ZFPM1: variants seen among roughly 807,000 people sequenced by gnomAD.
The protein encoded by ZFPM1 is zinc finger protein ZFPM1.
A neutral mutation model predicts 46.3 loss-of-function variants in ZFPM1; 28 were observed. The observed-to-expected ratio is 0.60, with a 90% CI of 0.45 to 0.83. The LOEUF (loss-of-function observed/expected upper bound fraction) is 0.83. Among genes scored for constraint, ZFPM1 ranks in the 40% least tolerant of loss-of-function variants. The pLI, the probability that ZFPM1 is intolerant of heterozygous loss-of-function variation, is 0.00. For synonymous variants in ZFPM1, 957 were observed against 675.9 expected (o/e 1.42, Z -6.45); for missense variants, 1,878 against 1,432.4 (o/e 1.31, Z -5.02).
chr16:88,492,231 C>A (rs747925402), intron 3 of ZFPM1, among the ~76,000 whole-genome samples: 1 of 152,038 alleles, frequency 6.6e-6, no homozygotes, highest in Non-Finnish European at 1.5e-5. Context: ...CTCCCTCACC[C>A]GTCTCTGCCC....
intron 3 of ZFPM1, among the ~76,000 whole-genome samples, chr16:88,502,324 C>T (rs1217473772): frequency 6.6e-6 from 1 of 151,980 alleles, no homozygotes; most frequent in African/African-American, 2.4e-5. Context: ...GTGAGGGTGC[C>T]TCCCACCCCG....
rs1908868322 is a variant in ZFPM1 at position 88,480,153 on chromosome 16, C to T, written c.41-5786C>T. On this transcript the variant is annotated intron_variant, in intron 1 of 9. Coordinates refer to ENST00000319555, the MANE Select transcript of ZFPM1 (RefSeq NM_153813.3). The surrounding 1 kb of genome is among the most constrained non-coding windows in gnomAD (Gnocchi z 4.9). ...CTCCTGGAGCGCTTTTCCCTGGACC[C>T]GGTGCTGGCAGCCTCCTCCTCTCCC... Among the ~76,000 whole-genome samples the T allele has an allele frequency of 6.6e-6, 1 of 152,024 alleles. No individual in the cohort carries two copies. Among genetic ancestry groups the T allele is most frequent in the African/African-American group, 2.4e-5 (1 of 41,398 alleles).
chr16:88,501,729 G>C (rs1001665400), intron 3 of ZFPM1, among the ~76,000 whole-genome samples: 1 of 143,970 alleles, frequency 6.9e-6, no homozygotes, highest in Non-Finnish European at 1.5e-5. Context: ...TGGAGGTAAC[G>C]GGTGTGGGTG....
At chr16:88,489,701 C>T (rs938053382) in intron 3 of ZFPM1, among the ~76,000 whole-genome samples, 5 of 152,236 alleles carry the variant, frequency 3.3e-5, no homozygotes, top group African/African-American at 1.2e-4. Flanking sequence ...GGTTTGGTGA[C>T]TCTGCTCCGT....
Position 88,533,307 on chromosome 16 carries a change from G to C in ZFPM1, c.1349G>C (p.Gly450Ala), listed in dbSNP as rs200021109. Reference protein sequence around the residue: ...EARAEPLAQNGGSSEPPAAPR... With the variant: ...EARAEPLAQNAGSSEPPAAPR... ...AGAGCGGAGCCTCTGGCCCAGAATG[G>C]AGGCAGCAGCGAGCCCCCGGCGGCC... The change falls in exon 10 of 10, where the codon GGA becomes GCA. Residue 450 changes from glycine to alanine, a missense_variant. Physicochemically the swap from Gly to Ala is moderately conservative, Grantham distance 60. Coordinates refer to ENST00000319555, the MANE Select transcript of ZFPM1 (RefSeq NM_153813.3). 1.3e-6 allele frequency: 2 copies of C among 1,532,312 alleles called. No individual in the cohort carries two copies. The highest frequency in any genetic ancestry group is 1.7e-6 in the Non-Finnish European group (2 of 1,144,086). The allele number at this position is 1,532,312 out of a possible 1,614,324, so 94.9% of individuals were successfully genotyped here. A position where few individuals can be genotyped will look rare whatever the true frequency, so the allele number is the denominator to read the frequency against.
chr16:88,497,878 G>A lies in ZFPM1; in HGVS notation c.268+8725G>A, dbSNP rs116472022. Reference sequence around the variant, plus strand: ...CTAATCTCGCCGGCGGAGCGTCTACGCAAACCTCAAGGCCTGCTATCGGGT... The same window carrying A: ...CTAATCTCGCCGGCGGAGCGTCTACACAAACCTCAAGGCCTGCTATCGGGT... On this transcript the variant is annotated intron_variant, in intron 3 of 9. Coordinates refer to ENST00000319555, the MANE Select transcript of ZFPM1 (RefSeq NM_153813.3). This position sits in a 1 kb window ranked among gnomAD's most constrained non-coding sequence, Gnocchi z 5.4. Among the ~76,000 whole-genome samples, 545 of 152,312 alleles carry A rather than the reference G, an allele frequency of 3.6e-3. 7 individuals carry two copies. Among genetic ancestry groups the A allele is most frequent in the African/African-American group, 0.012 (507 of 41,572 alleles).
intron 1 of ZFPM1, among the ~76,000 whole-genome samples, chr16:88,470,386 T>C (rs1488418271): frequency 6.6e-6 from 1 of 152,174 alleles, no homozygotes. Flanking sequence ...CCAGGTGACC[T>C]CATGGAACCC....
At chr16:88,488,203 G>T (rs777990964) in intron 2 of ZFPM1, among the ~76,000 whole-genome samples, 42 of 152,138 alleles carry the variant, frequency 2.8e-4, no homozygotes, top group Admixed American at 5.2e-4. Flanking sequence ...AGGGGCCGCA[G>T]CAAAGGGCAG....
intron 3 of ZFPM1, among the ~76,000 whole-genome samples, chr16:88,498,177 C>T (rs12444373): frequency 5.9e-5 from 9 of 151,612 alleles, no homozygotes; most frequent in Admixed American, 3.9e-4. Flanking sequence ...CTGGGGAACA[C>T]GGACCCACCT....
At chr16:88,481,751 C>CA (rs1489170799) in intron 1 of ZFPM1, among the ~76,000 whole-genome samples, 1 of 152,122 alleles carries the variant, frequency 6.6e-6, no homozygotes, top group African/African-American at 2.4e-5. Context: ...CCAGGTTCCC[C>CA]ATCTGAAATG....
intron 3 of ZFPM1, among the ~76,000 whole-genome samples, chr16:88,498,039 C>T (rs1001861603): frequency 1.3e-5 from 2 of 152,194 alleles, no homozygotes; most frequent in Admixed American, 1.3e-4. Flanking sequence ...CTGTGCTGCC[C>T]CCGATAGCAC....
At position 88,453,421 on chromosome 16, in the gene ZFPM1, C is replaced by G. The variant is rs1001095329; in HGVS notation, c.-218C>G. ...GCCGGCACCCGCCCGTCGGGCAGTC[C>G]GCGCGCCCGCAACGCAGGACCGTGG... On this transcript the variant is annotated 5_prime_UTR_variant, in exon 1 of 10. Transcript: ENST00000319555. 6.7e-6 allele frequency: 1 copy of G among 148,942 alleles called. No individual in the cohort carries two copies. The highest frequency in any genetic ancestry group is 6.8e-5 in the Admixed American group (1 of 14,714). The allele number at this position is 148,942 out of a possible 1,614,324, so 9.2% of individuals were successfully genotyped here.
In ZFPM1 at chr16:88,534,985, C is replaced by G; in HGVS notation, c.*6C>G. ...CCGCCGAGCACGTGAAGTGAGCGCC[C>G]ACACTACAGCCGCAGACGCTTTGCA... On this transcript the variant is annotated 3_prime_UTR_variant, in exon 10 of 10. Coordinates refer to ENST00000319555, the MANE Select transcript of ZFPM1 (RefSeq NM_153813.3). The G allele has an allele frequency of 1.4e-6, 2 of 1,412,722 alleles. No individual in the cohort carries two copies. The highest frequency in any genetic ancestry group is 9.4e-7 in the Non-Finnish European group (1 of 1,068,594). 87.5% of individuals were successfully genotyped at this position (1,412,722 alleles called of 1,614,324 possible).
intron 3 of ZFPM1, among the ~76,000 whole-genome samples, chr16:88,493,298 T>TGA (rs1343454610): frequency 5.9e-5 from 8 of 134,746 alleles, no homozygotes; most frequent in Non-Finnish European, 3.1e-5. Flanking sequence ...TGTTCCGGGG[T>TGA]GGAGAAAGCT....
Position 88,534,425 on chromosome 16 carries a change from C to T in ZFPM1, c.2467C>T (p.Arg823Cys), listed in dbSNP as rs747780710. Residue 823 changes from arginine (R) to cysteine (C), a missense_variant, in exon 10 of 10, where the codon CGC becomes TGC. Arg to Cys is a radical substitution (Grantham distance 180). Transcript: ENST00000319555. ...CGACTACCACGAGTGCACGGCCTGC[C>T]GCGTGAGCTTCCACAGCCTCGAGGC... ...LADYHECTAC[R>C]VSFHSLEAYL... 4.0e-6 allele frequency: 6 copies of T among 1,494,120 alleles called. No homozygotes were observed. The highest frequency in any genetic ancestry group is 3.5e-6 in the Non-Finnish European group (4 of 1,129,120). 92.6% of individuals were successfully genotyped at this position (1,494,120 alleles called of 1,614,324 possible). A position where few individuals can be genotyped will look rare whatever the true frequency, so the allele number is the denominator to read the frequency against.
intron 1 of ZFPM1, among the ~76,000 whole-genome samples, chr16:88,483,763 G>A (rs1909070289): frequency 6.6e-6 from 1 of 152,236 alleles, no homozygotes; most frequent in African/African-American, 2.4e-5. Context: ...AGGCAGAAAA[G>A]GCATCTGCCC....
In ZFPM1 at chr16:88,534,934, C is replaced by A; in HGVS notation, c.2976C>A (p.His992Gln). ...KFSSLSTFIAHKKYYCSSHAA... is the reference protein window; with the variant it reads ...KFSSLSTFIAQKKYYCSSHAA... ...GCAGCCTGTCCACCTTCATCGCCCA[C>A]AAGAAGTATTACTGCTCCTCGCACG... is the stretch of plus-strand genomic sequence containing the variant. The change falls in exon 10 of 10, where the codon CAC becomes CAA. Residue 992 changes from histidine to glutamine, a missense_variant. Coordinates refer to ENST00000319555, the MANE Select transcript of ZFPM1 (RefSeq NM_153813.3). 6.5e-7 allele frequency: 1 copy of A among 1,542,766 alleles called. No individual in the cohort carries two copies. Among genetic ancestry groups the A allele is most frequent in the Non-Finnish European group, 8.7e-7 (1 of 1,144,868 alleles).
intron 1 of ZFPM1, among the ~76,000 whole-genome samples, chr16:88,481,603 A>T (rs979593798): frequency 6.7e-6 from 1 of 150,288 alleles, no homozygotes; most frequent in East Asian, 2.0e-4. Flanking sequence ...TGCTTACGCT[A>T]CTCCACTCCA....
chr16:88,468,133 C>T (rs1310181793), intron 1 of ZFPM1, among the ~76,000 whole-genome samples: 3 of 145,646 alleles, frequency 2.1e-5, no homozygotes, highest in Non-Finnish European at 3.0e-5. Context: ...CACGCACCCG[C>T]GAGCCCACTG....
Sources: gnomAD v4.1 joint callset for allele counts (sites outside exome capture counted in the v4.1 genomes callset) on GRCh38, gnomAD v4.1.1 for gene constraint, Gnocchi (gnomAD v3.1) non-coding constraint, MANE v1.5 for transcripts, NCBI Gene and HGNC (gene_info 2026-07-23, HGNC 2026-07-21) for gene names.